Variants in TSHZ2 observed in about 807,000 individuals in gnomAD.
TSHZ2 encodes teashirt zinc finger homeobox 2, also known as teashirt homolog 2.
A neutral mutation model predicts 74.4 loss-of-function variants in TSHZ2; 21 were observed. The ratio of observed to expected loss-of-function variants is 0.28; its 90% CI spans 0.20 to 0.41. TSHZ2 has a LOEUF of 0.41. TSHZ2 is among the 10% of genes least tolerant of loss of function. The pLI is 1.00. For missense variants in TSHZ2, 1,244 were observed against 1,293.5 expected (o/e 0.96, Z 0.59); for synonymous variants, 540 against 515.3 (o/e 1.05, Z -0.65).
chr20:53,080,717 C>T (rs1308402285), intron 1 of TSHZ2, among the ~76,000 whole-genome samples: 1 of 152,200 alleles, frequency 6.6e-6, no homozygotes, highest in African/African-American at 2.4e-5. Flanking sequence ...CGCTCGCCCA[C>T]CGCTCACCTC....
At chr20:53,111,226 C>T (rs142107017) in intron 1 of TSHZ2, among the ~76,000 whole-genome samples, 7 of 152,288 alleles carry the variant, frequency 4.6e-5, no homozygotes, top group South Asian at 4.2e-4. Context: ...GGCTCTCAGA[C>T]GTGGCCAGGA....
At position 52,973,025 on chromosome 20, in the gene TSHZ2, A is replaced by T; in HGVS notation, c.-269A>T. ...AAAAAAGAGAGAGGAAAAAAAATTC[A>T]AAATAAACAAACAAACAAACAAGGC... On this transcript the variant is annotated 5_prime_UTR_variant, in exon 1 of 3. Coordinates refer to ENST00000371497, the MANE Select transcript of TSHZ2 (RefSeq NM_173485.6). 2.5e-6 allele frequency: 1 copy of T among 405,778 alleles called. No homozygotes were observed. The highest frequency in any genetic ancestry group is 4.3e-6 in the Non-Finnish European group (1 of 230,678). The allele number at this position is 405,778 out of a possible 1,614,324, so 25.1% of individuals were successfully genotyped here. A position where few individuals can be genotyped will look rare whatever the true frequency, so the allele number is the denominator to read the frequency against.
At chr20:53,469,042 A>AG (rs1985653479) in intron 2 of TSHZ2, among the ~76,000 whole-genome samples, 1 of 17,620 alleles carries the variant, frequency 5.7e-5, no homozygotes, top group Non-Finnish European at 1.5e-4. Context: ...TGAAATCGAT[A>AG]TTTTATATAT....
At chr20:53,443,495 A>C (rs965917275) in intron 2 of TSHZ2, among the ~76,000 whole-genome samples, 1 of 152,208 alleles carries the variant, frequency 6.6e-6, no homozygotes, top group South Asian at 2.1e-4. Context: ...ATGTCCATGC[A>C]AAGGGCAACA....
intron 2 of TSHZ2, among the ~76,000 whole-genome samples, chr20:53,446,553 T>C (rs1391719587): frequency 1.5e-5 from 2 of 137,696 alleles, no homozygotes; most frequent in Non-Finnish European, 3.0e-5. Context: ...CACTCCAGTC[T>C]GGGTGACAGA....
At chr20:53,290,903 A>T (rs906427863) in intron 2 of TSHZ2, among the ~76,000 whole-genome samples, 1 of 152,204 alleles carries the variant, frequency 6.6e-6, no homozygotes, top group Admixed American at 6.5e-5. Flanking sequence ...ATTTGTTTAC[A>T]TATTGTCTAT....
intron 1 of TSHZ2, among the ~76,000 whole-genome samples, chr20:53,229,602 T>G (rs1462223678): frequency 6.6e-6 from 1 of 152,168 alleles, no homozygotes; most frequent in Non-Finnish European, 1.5e-5. Flanking sequence ...GCTCAGCTTT[T>G]CGAACTAAAT....
At chr20:53,233,400 CCTGT>C (rs1248537093) in intron 1 of TSHZ2, among the ~76,000 whole-genome samples, 2 of 152,168 alleles carry the variant, frequency 1.3e-5, no homozygotes, top group Non-Finnish European at 2.9e-5. Flanking sequence ...AAGAAGAGAT[CCTGT>C]CTAATAGGGG....
At chr20:53,303,869 C>T (rs1330321731) in intron 2 of TSHZ2, among the ~76,000 whole-genome samples, 1 of 152,126 alleles carries the variant, frequency 6.6e-6, no homozygotes, top group Non-Finnish European at 1.5e-5. Context: ...ACCCAATACA[C>T]ATTTACTGTA....
chr20:53,081,330 A>C (rs1180303500), intron 1 of TSHZ2, among the ~76,000 whole-genome samples: 1 of 152,188 alleles, frequency 6.6e-6, no homozygotes, highest in African/African-American at 2.4e-5. Flanking sequence ...TGCCCAGCCA[A>C]TGCTTCCTTA....
chr20:53,326,227 A>T (rs1178492676), intron 2 of TSHZ2, among the ~76,000 whole-genome samples: 1 of 152,240 alleles, frequency 6.6e-6, no homozygotes, highest in African/African-American at 2.4e-5. Context: ...ATATTAGAGG[A>T]ACAATGACTT....
intron 2 of TSHZ2, among the ~76,000 whole-genome samples, chr20:53,422,090 C>T (rs112617086): frequency 7.2e-5 from 11 of 152,170 alleles, no homozygotes; most frequent in African/African-American, 2.4e-4. Flanking sequence ...TAATGCAGTT[C>T]GTTGGGTTTC....
chr20:53,432,497 G>A (rs1983882195), intron 2 of TSHZ2, among the ~76,000 whole-genome samples: 2 of 152,174 alleles, frequency 1.3e-5, no homozygotes, highest in South Asian at 2.1e-4. Context: ...CTAGTAGTGG[G>A]ATTCTTGGAT....
chr20:52,998,349 A>T (rs1982285178), intron 1 of TSHZ2, among the ~76,000 whole-genome samples: 1 of 152,130 alleles, frequency 6.6e-6, no homozygotes, highest in Non-Finnish European at 1.5e-5. Flanking sequence ...TTGTATTTTC[A>T]GTAGAGACCG....
At chr20:53,059,017 C>T (rs1984733627) in intron 1 of TSHZ2, among the ~76,000 whole-genome samples, 1 of 152,178 alleles carries the variant, frequency 6.6e-6, no homozygotes, top group Non-Finnish European at 1.5e-5. Flanking sequence ...TATTAAGTCT[C>T]ATTGAGTGTA....
At chr20:53,303,136 C>CA (rs1978379424) in intron 2 of TSHZ2, among the ~76,000 whole-genome samples, 1 of 152,164 alleles carries the variant, frequency 6.6e-6, no homozygotes, top group African/African-American at 2.4e-5. Context: ...TACACACAGG[C>CA]AACAGTCCAA....
chr20:53,484,065 C>T (rs1986228678), intron 2 of TSHZ2, among the ~76,000 whole-genome samples: 1 of 152,220 alleles, frequency 6.6e-6, no homozygotes, highest in Non-Finnish European at 1.5e-5. Context: ...AATTTGTGGT[C>T]TCCACTTTTC....
chr20:53,245,577 T>G (rs2123703542), intron 1 of TSHZ2, among the ~76,000 whole-genome samples: 1 of 152,348 alleles, frequency 6.6e-6, no homozygotes, highest in East Asian at 1.9e-4. Flanking sequence ...TTTTGCAATT[T>G]ACATCCAAAC....
chr20:53,425,297 C>T (rs1291264206), intron 2 of TSHZ2, among the ~76,000 whole-genome samples: 1 of 152,086 alleles, frequency 6.6e-6, no homozygotes, highest in Non-Finnish European at 1.5e-5. Flanking sequence ...ATTATCATTC[C>T]AAAATGAATT....
Sources: gnomAD v4.1 joint callset for allele counts (sites outside exome capture counted in the v4.1 genomes callset) on GRCh38, gnomAD v4.1.1 for gene constraint, MANE v1.5 for transcripts, NCBI Gene and HGNC (gene_info 2026-07-23, HGNC 2026-07-21) for gene names.